The following PLB1 variants were observed in gnomAD, a reference collection of about 807,000 sequenced individuals.
The protein encoded by PLB1 is phospholipase B1, membrane-associated.
A neutral mutation model predicts 227.4 loss-of-function variants in PLB1; 242 were observed. The observed-to-expected ratio is 1.06, with a 90% CI of 0.96 to 1.18. The LOEUF (loss-of-function observed/expected upper bound fraction) is 1.18. Among genes scored for constraint, PLB1 ranks in the 50% most tolerant of loss-of-function variants. The pLI is 0.00. For synonymous variants in PLB1, 757 were observed against 682.2 expected, an observed-to-expected ratio of 1.11 and a Z score of -1.71; for missense variants, 1,858 against 1,816.3, an observed-to-expected ratio of 1.02 and a Z score of -0.42.
chr2:28,570,502 A>G (rs1024233106), intron 20 of PLB1, among the ~76,000 whole-genome samples: 1 of 118,438 alleles, frequency 8.4e-6, no homozygotes, highest in African/African-American at 2.6e-5. Flanking sequence ...ACACTCAACA[A>G]AGGCCGGGCG....
In PLB1 at chr2:28,584,409, T is replaced by C. The variant is rs541970741; in HGVS notation, c.1734-1352T>C. On this transcript the variant is annotated intron_variant, in intron 25 of 57. Transcript: ENST00000327757. Reference sequence around the variant, plus strand: ...TGAACGCAGCTGGTGTCAGGCATGCTATTTCCAACTGCTGACTCATCCGCT... The same window carrying C: ...TGAACGCAGCTGGTGTCAGGCATGCCATTTCCAACTGCTGACTCATCCGCT... 1.8e-4 allele frequency among the ~76,000 whole-genome samples: 27 copies of C among 152,330 alleles called. No homozygotes were observed. The South Asian group carries it at 3.9e-3, about 22-fold the overall frequency.
At chr2:28,592,260 G>T (rs1394454086) in intron 31 of PLB1, among the ~76,000 whole-genome samples, 1 of 152,124 alleles carries the variant, frequency 6.6e-6, no homozygotes, top group Non-Finnish European at 1.5e-5. Flanking sequence ...CCTGCACCTC[G>T]TCTTAATGTG....
chr2:28,550,574 T>C (rs1189716534), intron 16 of PLB1, among the ~76,000 whole-genome samples: 1 of 149,662 alleles, frequency 6.7e-6, no homozygotes, highest in Non-Finnish European at 1.5e-5. Context: ...AGAATCTCGC[T>C]ATGTCATCCA....
In PLB1 at chr2:28,593,725, C is replaced by T. The variant is rs761775690; in HGVS notation, c.2292C>T (p.Val764=). 5.6e-6 allele frequency: 9 copies of T among 1,613,968 alleles called. No individual in the cohort carries two copies. The highest frequency in any genetic ancestry group is 7.6e-6 in the Non-Finnish European group (9 of 1,179,984). The change falls in exon 33 of 58, where the codon GTC becomes GTT. Residue 764 remains valine (V), a synonymous_variant. Coordinates refer to ENST00000327757, the MANE Select transcript of PLB1 (RefSeq NM_153021.5). ...IGSKPDDLPD[V]TTQYRGLSYS... ...CCAAACCAGACGACCTCCCCGATGTCACCACACAGTATCGGGGACTGTCAT... is the reference window on the plus strand; with the variant it reads ...CCAAACCAGACGACCTCCCCGATGTTACCACACAGTATCGGGGACTGTCAT...
At chr2:28,628,978 G>A (rs527757410) in intron 52 of PLB1, 116 bp from the exon 53 acceptor site, 60 of 810,984 alleles carry the variant, frequency 7.4e-5, no homozygotes, top group Middle Eastern at 2.4e-4. Flanking sequence ...CCCTCTCTGG[G>A]CCTCAGTTTC....
rs768989550 is a variant in PLB1, at chr2:28,589,495, G to A, written c.1861G>A (p.Glu621Lys). Residue 621 changes from glutamate (E) to lysine (K), a missense_variant, in exon 27 of 58, where the codon GAA becomes AAA. Transcript: ENST00000327757. ...TGAGAGTGGGCGATATGACACAAGGGAAGATTTTACTGTGGTTGTGCAGCC... is the reference window on the plus strand; with the variant it reads ...TGAGAGTGGGCGATATGACACAAGGAAAGATTTTACTGTGGTTGTGCAGCC... The part of the protein sequence containing the change: ...LIESGRYDTR[E>K]DFTVVVQPFF... The A allele has an allele frequency of 3.7e-6, 6 of 1,614,020 alleles. No individual in the cohort carries two copies. The highest frequency in any genetic ancestry group is 3.3e-5 in the South Asian group (3 of 91,080).
intron 1 of PLB1, among the ~76,000 whole-genome samples, chr2:28,497,537 G>C (rs1666595839): frequency 6.6e-6 from 1 of 152,158 alleles, no homozygotes; most frequent in African/African-American, 2.4e-5. Context: ...GGCTTTCTCT[G>C]AGGGGTCCTG....
Position 28,502,570 on chromosome 2 carries a change from G to A in PLB1, c.55+6401G>A, listed in dbSNP as rs111683299. On this transcript the variant is annotated intron_variant, in intron 1 of 57. Transcript: ENST00000327757. ...CATTGGGATTGTATACCCATTGCTG[G>A]CGTAAAATCAAGTTGATCATGGTGT... Among the ~76,000 whole-genome samples the A allele has an allele frequency of 5.5e-3, 830 of 152,214 alleles. 3 individuals are homozygous for A. The highest frequency in any genetic ancestry group is 0.019 in the African/African-American group (794 of 41,536).
intron 5 of PLB1, 87 bp from the exon 6 acceptor site, chr2:28,525,818 T>C: frequency 6.6e-7 from 1 of 1,517,060 alleles, no homozygotes; most frequent in East Asian, 2.3e-5. Context: ...CAAAGACTAC[T>C]ATGAAATAGA....
intron 14 of PLB1, among the ~76,000 whole-genome samples, chr2:28,545,158 G>A (rs1673051346): frequency 6.6e-6 from 1 of 152,196 alleles, no homozygotes; most frequent in Non-Finnish European, 1.5e-5. Flanking sequence ...GACACAGAGA[G>A]TGTCACAAGG....
Position 28,548,853 on chromosome 2 carries a change from T to G in PLB1, c.937-7T>G. On this transcript the variant is annotated splice_region_variant and splice_polypyrimidine_tract_variant and intron_variant, in intron 14 of 57. Coordinates refer to ENST00000327757, the MANE Select transcript of PLB1 (RefSeq NM_153021.5). The stretch of plus-strand genomic sequence containing the variant: ...TTCCCTGTTCTAAAGCCCACGTTCC[T>G]TTCTAGATGGAGCCAGCAGGAGAGA... 1 of 1,614,110 alleles carries G rather than the reference T, an allele frequency of 6.2e-7. No individual in the cohort carries two copies. Among genetic ancestry groups the G allele is most frequent in the Non-Finnish European group, 8.5e-7 (1 of 1,179,978 alleles).
At chr2:28,640,511 C>A (rs1388607658) in intron 56 of PLB1, among the ~76,000 whole-genome samples, 1 of 152,182 alleles carries the variant, frequency 6.6e-6, no homozygotes. Context: ...GCCCCATGCA[C>A]TTTGAGAAGT....
rs1312589519 is a variant in PLB1, at chr2:28,589,993, T to A, written c.2017-12T>A. On this transcript the variant is annotated splice_polypyrimidine_tract_variant and intron_variant, in intron 28 of 57. Transcript: ENST00000327757. ...TCTTCCTCACTCCCCATCTCCCTGC[T>A]TCTTTGTTTAGCTGGAGCCTGTTGG... is the stretch of plus-strand genomic sequence containing the variant. 4.3e-6 allele frequency: 7 copies of A among 1,611,972 alleles called. No individual in the cohort carries two copies. The Admixed American group carries it at 1.2e-4, about 27-fold the overall frequency.
chr2:28,573,849 A>G lies in PLB1; in HGVS notation c.1433+544A>G, dbSNP rs149356829. Among the ~76,000 whole-genome samples, 3 of 152,340 alleles carry G rather than the reference A, an allele frequency of 2.0e-5. No individual in the cohort carries two copies. In the East Asian group the frequency reaches 5.8e-4, roughly 29 times the overall value. ...GGCAGTCATGAAGCTCAAATGCCATATTGGATACGAAAGTTCTGGTGAGCT... is the reference window on the plus strand; with the variant it reads ...GGCAGTCATGAAGCTCAAATGCCATGTTGGATACGAAAGTTCTGGTGAGCT... On this transcript the variant is annotated intron_variant, in intron 21 of 57. Coordinates refer to ENST00000327757, the MANE Select transcript of PLB1 (RefSeq NM_153021.5).
chr2:28,498,901 TAG>T (rs1469447622), intron 1 of PLB1, among the ~76,000 whole-genome samples: 1 of 152,238 alleles, frequency 6.6e-6, no homozygotes, highest in Non-Finnish European at 1.5e-5. Context: ...GGGATTTTGA[TAG>T]AGATTGCTTT....
At chr2:28,539,018 G>A in intron 10 of PLB1, 81 bp from the exon 11 acceptor site, 1 of 1,124,742 alleles carries the variant, frequency 8.9e-7, no homozygotes, top group East Asian at 2.3e-5. Flanking sequence ...ACCCCAACGG[G>A]GCCCAAGCAG....
chr2:28,531,995 C>A, intron 8 of PLB1, 113 bp from the exon 9 acceptor site: 2 of 779,022 alleles, frequency 2.6e-6, no homozygotes, highest in South Asian at 1.8e-5. Context: ...AAAATTCATA[C>A]ATGAGTTTTT....
chr2:28,619,242 C>T (rs1686643054), intron 46 of PLB1, among the ~76,000 whole-genome samples: 1 of 152,146 alleles, frequency 6.6e-6, no homozygotes, highest in Non-Finnish European at 1.5e-5. Flanking sequence ...TTCCCCTCCA[C>T]CTAGGACTTT....
At chr2:28,612,034 T>C (rs568572305) in intron 43 of PLB1, among the ~76,000 whole-genome samples, 1 of 152,228 alleles carries the variant, frequency 6.6e-6, no homozygotes, top group South Asian at 2.1e-4. Context: ...TAGTCCCAGC[T>C]ACTCGGGAGG....
Sources: gnomAD v4.1 joint callset for allele counts (sites outside exome capture counted in the v4.1 genomes callset) on GRCh38, gnomAD v4.1.1 for gene constraint, MANE v1.5 for transcripts, NCBI Gene and HGNC (gene_info 2026-07-23, HGNC 2026-07-21) for gene names.